MTF2: variants seen among roughly 807,000 people sequenced by gnomAD.
MTF2 encodes metal response element binding transcription factor 2.
Under a neutral mutation model 79.5 loss-of-function variants are expected in MTF2, and 11 were observed. That is an observed-to-expected ratio of 0.14 (90% CI 0.09 to 0.23). The LOEUF (loss-of-function observed/expected upper bound fraction) is 0.23. MTF2 is among the 10% of genes least tolerant of loss of function. The probability of loss-of-function intolerance (pLI) is 1.00; values close to 1 mark genes in which losing one functional copy is unlikely to be tolerated. For synonymous variants in MTF2, 208 were observed against 232.8 expected (o/e 0.89, Z 0.97); for missense variants, 486 against 711.2 (o/e 0.68, Z 3.60).
intron 3 of MTF2, among the ~76,000 whole-genome samples, chr1:93,114,104 G>A (rs1490725215): frequency 6.6e-6 from 1 of 151,752 alleles, no homozygotes; most frequent in African/African-American, 2.4e-5. Flanking sequence ...TTGTTGAAAT[G>A]ATATTTTGTT....
intron 5 of MTF2, among the ~76,000 whole-genome samples, 155 bp from the exon 6 acceptor site, chr1:93,115,315 A>G (rs1055446064): frequency 6.6e-6 from 1 of 152,260 alleles, no homozygotes; most frequent in Admixed American, 6.5e-5. Flanking sequence ...AAAGAAGAAA[A>G]GAAAAATAGA....
At chr1:93,079,738 A>C (rs1654521977) in intron 1 of MTF2, among the ~76,000 whole-genome samples, 1 of 151,976 alleles carries the variant, frequency 6.6e-6, no homozygotes. Context: ...GAAAATAGGG[A>C]CTAAAGGAGC....
chr1:93,128,270 C>T (rs1428503011), intron 10 of MTF2, among the ~76,000 whole-genome samples: 2 of 151,906 alleles, frequency 1.3e-5, no homozygotes, highest in African/African-American at 4.8e-5. Context: ...AAAAGTAGAA[C>T]ATTTTGGTTG....
intron 1 of MTF2, among the ~76,000 whole-genome samples, chr1:93,099,755 T>C (rs760988767): frequency 5.3e-5 from 8 of 152,068 alleles, no homozygotes; most frequent in Non-Finnish European, 8.8e-5. Flanking sequence ...TCATTCTAGA[T>C]TGGCACAGGA....
chr1:93,127,094 G>T, intron 9 of MTF2, 138 bp from the exon 10 acceptor site: 1 of 615,288 alleles, frequency 1.6e-6, no homozygotes, highest in Non-Finnish European at 2.9e-6. Flanking sequence ...AGTCAGTGAG[G>T]ACTTGGAATT....
intron 14 of MTF2, among the ~76,000 whole-genome samples, chr1:93,136,257 A>AGG (rs1647389660): frequency 6.6e-6 from 1 of 152,190 alleles, no homozygotes; most frequent in African/African-American, 2.4e-5. Context: ...CCACTCTTTA[A>AGG]GGACATGGAG....
chr1:93,093,823 T>G (rs939570877), intron 1 of MTF2, among the ~76,000 whole-genome samples: 1 of 152,186 alleles, frequency 6.6e-6, no homozygotes, highest in African/African-American at 2.4e-5. Flanking sequence ...TCCTCCTGCC[T>G]CAGCCTCTGG....
chr1:93,082,340 G>A (rs577760818), intron 1 of MTF2, among the ~76,000 whole-genome samples: 1 of 151,448 alleles, frequency 6.6e-6, no homozygotes, highest in Non-Finnish European at 1.5e-5. Context: ...GAGTGAAGTG[G>A]TGCTATCATA....
intron 11 of MTF2, 54 bp from the exon 12 acceptor site, chr1:93,133,649 A>T: frequency 1.6e-6 from 2 of 1,213,256 alleles, no homozygotes; most frequent in South Asian, 2.8e-5. Flanking sequence ...CATAGAGTCA[A>T]TGTCTTTGTT....
chr1:93,111,945 G>T (rs1210587870), intron 3 of MTF2, among the ~76,000 whole-genome samples: 3 of 152,086 alleles, frequency 2.0e-5, no homozygotes, highest in Non-Finnish European at 4.4e-5. Flanking sequence ...GGAGTTTCCT[G>T]TGGATTTAAT....
At chr1:93,103,193 G>A (rs1417939882) in intron 1 of MTF2, among the ~76,000 whole-genome samples, 3 of 150,764 alleles carry the variant, frequency 2.0e-5, no homozygotes, top group Non-Finnish European at 2.9e-5. Context: ...TACTTGTTTT[G>A]TCTACGTTTG....
rs1656436610 is a variant in MTF2, at chr1:93,120,627, T to G, written c.876T>G (p.Leu292=). 6.2e-7 allele frequency: 1 copy of G among 1,611,760 alleles called. No homozygotes were observed. Among genetic ancestry groups the G allele is most frequent in the Admixed American group, 1.7e-5 (1 of 59,546 alleles). Residue 292 remains leucine (L), a synonymous_variant, in exon 9 of 15, where the codon CTT becomes CTG. Coordinates refer to ENST00000370298, the MANE Select transcript of MTF2 (RefSeq NM_007358.4). ...KKKYFDSELE[L]MTYINENWDR... ...AATACTTTGATTCTGAACTTGAGCTTATGACATACATTAATGAAAACTGGG... is the reference window on the plus strand; with the variant it reads ...AATACTTTGATTCTGAACTTGAGCTGATGACATACATTAATGAAAACTGGG...
At chr1:93,094,556 C>T (rs981249568) in intron 1 of MTF2, among the ~76,000 whole-genome samples, 5 of 151,874 alleles carry the variant, frequency 3.3e-5, no homozygotes, top group Non-Finnish European at 7.4e-5. Flanking sequence ...GTGGGAGAAA[C>T]CAGGTCATTT....
intron 1 of MTF2, among the ~76,000 whole-genome samples, chr1:93,102,562 A>G (rs751654690): frequency 6.6e-6 from 1 of 152,124 alleles, no homozygotes; most frequent in Non-Finnish European, 1.5e-5. Flanking sequence ...ACTGCACTTC[A>G]GCCTGGGTGA....
At chr1:93,106,467 T>G (rs181477862) in intron 1 of MTF2, among the ~76,000 whole-genome samples, 2 of 152,336 alleles carry the variant, frequency 1.3e-5, no homozygotes, top group Non-Finnish European at 2.9e-5. Context: ...GGCTATTTTT[T>G]TTTTTTAACT....
At chr1:93,101,581 T>TTTTTG (rs1655542961) in intron 1 of MTF2, among the ~76,000 whole-genome samples, 3 of 109,586 alleles carry the variant, frequency 2.7e-5, no homozygotes, top group African/African-American at 9.4e-5. Flanking sequence ...TTTTTTTTTT[T>TTTTTG]TTTTTTTTTT....
intron 1 of MTF2, among the ~76,000 whole-genome samples, chr1:93,091,426 C>A (rs1469891311): frequency 6.6e-6 from 1 of 152,082 alleles, no homozygotes; most frequent in Non-Finnish European, 1.5e-5. Context: ...TAACTTCTGG[C>A]CTCAAGCAAT....
At position 93,133,750 on chromosome 1, in the gene MTF2, G is replaced by T. The variant is rs899561841; in HGVS notation, c.1208G>T (p.Gly403Val). The change falls in exon 12 of 15, where the codon GGT (glycine) becomes GTT (valine). Residue 403 changes from glycine (G) to valine (V), a missense_variant. This residue lies in a region of MTF2 where 209 missense variants were observed against 206.5 expected (regional missense o/e 1.01). Coordinates refer to ENST00000370298, the MANE Select transcript of MTF2 (RefSeq NM_007358.4). ...AAAAAAGGAAAGAAAAAATCTGTAGGTCGTCCACCTGGCCCATATACAAGA... is the reference window on the plus strand; with the variant it reads ...AAAAAAGGAAAGAAAAAATCTGTAGTTCGTCCACCTGGCCCATATACAAGA... ...IEKKGKKKSV[G>V]RPPGPYTRKM... 3 of 1,612,222 alleles carry T rather than the reference G, an allele frequency of 1.9e-6. No homozygotes were observed. The African/African-American group carries it at 4.0e-5, about 22-fold the overall frequency.
chr1:93,126,082 A>G (rs1194932954), intron 9 of MTF2, among the ~76,000 whole-genome samples: 2 of 151,998 alleles, frequency 1.3e-5, no homozygotes, highest in Admixed American at 6.6e-5. Context: ...ATTCTCTATC[A>G]TTAGACCCTT....
Sources: allele counts gnomAD v4.1 joint callset (sites outside exome capture counted in the v4.1 genomes callset), GRCh38; gene constraint gnomAD v4.1.1; regional missense constraint gnomAD v4.1.1; transcripts MANE v1.5; gene names NCBI Gene and HGNC (gene_info 2026-07-23, HGNC 2026-07-21).